The following MPZL1 variants were observed in gnomAD, a reference collection of about 807,000 sequenced individuals.
MPZL1 encodes the protein myelin protein zero like 1, also known as myelin protein zero-like protein 1.
In MPZL1, 16 loss-of-function variants were observed where a neutral mutation model predicts 29.3. That is an observed-to-expected ratio of 0.55 (90% CI 0.37 to 0.83). MPZL1 has a LOEUF of 0.83. MPZL1 is among the 40% of genes least tolerant of loss of function. The pLI is 0.00. For synonymous variants in MPZL1, 143 were observed against 132.0 expected (o/e 1.08, Z -0.57); for missense variants, 279 against 332.9 (o/e 0.84, Z 1.26).
intron 1 of MPZL1, among the ~76,000 whole-genome samples, chr1:167,746,088 GA>G (rs1413341123): frequency 6.6e-6 from 1 of 152,014 alleles, no homozygotes; most frequent in Non-Finnish European, 1.5e-5. Flanking sequence ...TTATACTTCA[GA>G]AAAAATACCT....
At chr1:167,784,749 C>A (rs1471148037) in intron 5 of MPZL1, among the ~76,000 whole-genome samples, 1 of 152,160 alleles carries the variant, frequency 6.6e-6, no homozygotes, top group African/African-American at 2.4e-5. Context: ...TGTGTTCTGC[C>A]AAGTTCTAGG....
intron 4 of MPZL1, 79 bp downstream of exon 4, chr1:167,773,447 A>C: frequency 6.9e-7 from 1 of 1,444,724 alleles, no homozygotes. Flanking sequence ...TTAATGAAAA[A>C]AGGATTTTAA....
At chr1:167,728,622 C>T (rs1660203741) in intron 1 of MPZL1, among the ~76,000 whole-genome samples, 1 of 151,998 alleles carries the variant, frequency 6.6e-6, no homozygotes, top group African/African-American at 2.4e-5. Flanking sequence ...AATCCTCCTT[C>T]AGTAGGTTTC....
intron 1 of MPZL1, among the ~76,000 whole-genome samples, chr1:167,730,767 G>A (rs962588795): frequency 6.6e-6 from 1 of 152,198 alleles, no homozygotes; most frequent in African/African-American, 2.4e-5. Context: ...TCTGGAGGCT[G>A]TGCAGGTCCT....
At chr1:167,742,108 C>T (rs944529782) in intron 1 of MPZL1, among the ~76,000 whole-genome samples, 1 of 151,864 alleles carries the variant, frequency 6.6e-6, no homozygotes, top group African/African-American at 2.4e-5. Flanking sequence ...GCCTGGCCAA[C>T]ATGGCAAAAC....
chr1:167,788,285 T>G lies in MPZL1; in HGVS notation c.*364T>G, dbSNP rs1157753573. The G allele has an allele frequency of 9.2e-6, 2 of 216,522 alleles. No individual in the cohort carries two copies. Among genetic ancestry groups the G allele is most frequent in the South Asian group, 7.4e-5 (1 of 13,486 alleles). 13.4% of individuals were successfully genotyped at this position (216,522 alleles called of 1,614,324 possible). A position where few individuals can be genotyped will look rare whatever the true frequency, so the allele number is the denominator to read the frequency against. The stretch of plus-strand genomic sequence containing the variant: ...GAGACAATAGCAGATCCTGTAGTAT[T>G]TCCAGTAGACATGGCCTTTTAATCT... On this transcript the variant is annotated 3_prime_UTR_variant, in exon 6 of 6. Coordinates refer to ENST00000359523, the MANE Select transcript of MPZL1 (RefSeq NM_003953.6).
intron 1 of MPZL1, among the ~76,000 whole-genome samples, chr1:167,760,022 G>A (rs1371318755): frequency 6.6e-6 from 1 of 152,082 alleles, no homozygotes; most frequent in Admixed American, 6.6e-5. Context: ...GAATTTTAAT[G>A]AGATCTCTTT....
chr1:167,770,072 G>C (rs1271304121), intron 2 of MPZL1, among the ~76,000 whole-genome samples: 1 of 152,214 alleles, frequency 6.6e-6, no homozygotes, highest in East Asian at 1.9e-4. Flanking sequence ...GGGGCAGCCA[G>C]GTGGTAAAGT....
chr1:167,739,282 C>CATATATATATATATATATACATATATAT (rs1660456775), intron 1 of MPZL1, among the ~76,000 whole-genome samples: 3 of 90,412 alleles, frequency 3.3e-5, no homozygotes, highest in African/African-American at 1.9e-4. Context: ...TACATATATA[C>CATATATATATATATATATACATATATAT]ATATATATAT....
intron 1 of MPZL1, among the ~76,000 whole-genome samples, chr1:167,727,310 A>C (rs1268653672): frequency 6.6e-6 from 1 of 152,204 alleles, no homozygotes; most frequent in Non-Finnish European, 1.5e-5. Context: ...TCTCTACTGG[A>C]TGATTAGAGC....
At chr1:167,763,375 G>A (rs1389575340) in intron 1 of MPZL1, among the ~76,000 whole-genome samples, 2 of 151,948 alleles carry the variant, frequency 1.3e-5, no homozygotes, top group East Asian at 3.9e-4. Context: ...AATTAGCTGG[G>A]CGTCGTGGTG....
chr1:167,732,958 T>C (rs1349064004), intron 1 of MPZL1, among the ~76,000 whole-genome samples: 1 of 152,240 alleles, frequency 6.6e-6, no homozygotes, highest in African/African-American at 2.4e-5. Flanking sequence ...TAGAAATTTA[T>C]GCTACTTTGG....
At chr1:167,768,069 C>G (rs16859624) in intron 2 of MPZL1, among the ~76,000 whole-genome samples, 6,911 of 151,904 alleles carry the variant, frequency 0.045, 524 homozygotes, top group African/African-American at 0.16. Flanking sequence ...GTGCAGTAGC[C>G]CCTTGTTATT....
At chr1:167,758,273 C>G (rs1415841036) in intron 1 of MPZL1, among the ~76,000 whole-genome samples, 14 of 152,274 alleles carry the variant, frequency 9.2e-5, no homozygotes, top group Admixed American at 6.5e-4. Flanking sequence ...CCTATGTTCC[C>G]TGCTGTGAAC....
At chr1:167,778,692 A>G (rs1360626916) in intron 5 of MPZL1, among the ~76,000 whole-genome samples, 1 of 152,114 alleles carries the variant, frequency 6.6e-6, no homozygotes, top group African/African-American at 2.4e-5. Context: ...AATGAGTATT[A>G]TCAATCTTAT....
At chr1:167,778,060 C>T (rs547141145) in intron 5 of MPZL1, among the ~76,000 whole-genome samples, 24 of 152,288 alleles carry the variant, frequency 1.6e-4, no homozygotes, top group African/African-American at 5.1e-4. Flanking sequence ...CGGTGGCTCA[C>T]GCCTGTAATC....
chr1:167,773,035 C>T (rs1202599742), intron 3 of MPZL1, among the ~76,000 whole-genome samples: 1 of 152,098 alleles, frequency 6.6e-6, no homozygotes, highest in African/African-American at 2.4e-5. Context: ...ATGCTTAGTT[C>T]CATAGTTCAT....
chr1:167,736,791 G>T (rs896312120), intron 1 of MPZL1, among the ~76,000 whole-genome samples: 22 of 152,092 alleles, frequency 1.4e-4, no homozygotes, highest in African/African-American at 5.3e-4. Flanking sequence ...TTCCCTTCAG[G>T]TCTGCCCTCC....
intron 1 of MPZL1, among the ~76,000 whole-genome samples, chr1:167,764,460 C>T (rs1661066109): frequency 6.6e-6 from 1 of 152,144 alleles, no homozygotes; most frequent in African/African-American, 2.4e-5. Context: ...TGTTTACTTA[C>T]CTAGCACAGT....
Sources: gnomAD v4.1 joint callset for allele counts (sites outside exome capture counted in the v4.1 genomes callset) on GRCh38, gnomAD v4.1.1 for gene constraint, MANE v1.5 for transcripts, NCBI Gene and HGNC (gene_info 2026-07-23, HGNC 2026-07-21) for gene names.